MATK: variants seen among roughly 807,000 people sequenced by gnomAD.
MATK encodes megakaryocyte-associated tyrosine-protein kinase.
MATK carries 41 observed loss-of-function variants against 59.8 expected under a neutral mutation model. That is an observed-to-expected ratio of 0.69 (90% CI 0.53 to 0.89). The LOEUF is 0.89. Ranked by LOEUF, MATK falls within the 40% of genes least tolerant of loss-of-function variation. The probability of loss-of-function intolerance (pLI) is 0.00; values close to 1 mark genes in which losing one functional copy is unlikely to be tolerated. For missense variants in MATK, 593 were observed against 719.6 expected (o/e 0.82, Z 2.01); for synonymous variants, 308 against 306.1 (o/e 1.01, Z -0.06).
chr19:3,781,643 T>A lies in MATK; in HGVS notation c.706A>T (p.Thr236Ser), dbSNP rs761538078. 7.2e-5 allele frequency: 116 copies of A among 1,613,738 alleles called. No individual in the cohort carries two copies. Among genetic ancestry groups the A allele is most frequent in the Non-Finnish European group, 9.6e-5 (113 of 1,179,970 alleles). ...AGWLLNLQHL[T>S]LGAQIGEGEF... ...CCCTCTCCGATCTGTGCTCCCAATG[T>A]CAAATGCTGCAGGTTCAGTAACCAG... The change falls in exon 8 of 14, where the codon ACA becomes TCA. Residue 236 changes from threonine to serine, a missense_variant. Transcript: ENST00000310132.
At chr19:3,789,892 C>CTTTTGT (rs1408450009), upstream of MATK, among the ~76,000 whole-genome samples, 1 of 148,550 alleles carries the variant, frequency 6.7e-6, no homozygotes, top group African/African-American at 2.5e-5. Flanking sequence ...GCCCTGCTAA[C>CTTTTGT]TTTTGTATTT....
intron 1 of MATK, among the ~76,000 whole-genome samples, chr19:3,797,969 G>T (rs1312330360): frequency 2.0e-5 from 3 of 152,090 alleles, no homozygotes; most frequent in Non-Finnish European, 4.4e-5. Context: ...TTGAACCTGG[G>T]AGGTGAAGTT....
chr19:3,778,273 C>A lies in MATK; in HGVS notation c.1434G>T (p.Leu478=). ...RPPFRKLAEK[L]ARELRSAGAP... ...CACCTGCACTGCGTAGCTCCCGGGC[C>A]AGCTTCTCGGCCAGTTTGCGGAAGG... The change falls in exon 14 of 14, where the codon CTG becomes CTT. Residue 478 remains leucine, a synonymous_variant. Coordinates refer to ENST00000310132, the MANE Select transcript of MATK (RefSeq NM_139355.3). 1 of 1,574,434 alleles carries A rather than the reference C, an allele frequency of 6.4e-7. No homozygotes were observed. The highest frequency in any genetic ancestry group is 2.1e-5 in the Admixed American group (1 of 48,664).
chr19:3,778,846 CG>C (rs2037356351), intron 12 of MATK, 145 bp downstream of exon 12: 4 of 916,754 alleles, frequency 4.4e-6, no homozygotes, highest in Non-Finnish European at 6.4e-6. Flanking sequence ...AGGGGGGCTA[CG>C]AGGAACAATT....
chr19:3,778,355 C>A lies in MATK; in HGVS notation c.1352G>T (p.Gly451Val). 1 of 1,598,074 alleles carries A rather than the reference C, an allele frequency of 6.3e-7. No homozygotes were observed. The highest frequency in any genetic ancestry group is 8.5e-7 in the Non-Finnish European group (1 of 1,173,560). ...YRMEPPEGCP[G>V]PVHVLMSSCW... ...GCTGCTCATGAGGACGTGCACGGGGCCTGGACAGCCCTCGGGGGGTTCCAT... is the reference window on the plus strand; with the variant it reads ...GCTGCTCATGAGGACGTGCACGGGGACTGGACAGCCCTCGGGGGGTTCCAT... The change falls in exon 14 of 14, where the codon GGC becomes GTC. Residue 451 changes from glycine (G) to valine (V), a missense_variant. By Grantham distance (109) the Gly-to-Val change is moderately radical. Transcript: ENST00000310132.
intron 1 of MATK, among the ~76,000 whole-genome samples, chr19:3,801,169 T>G (rs1438705728): frequency 6.6e-5 from 10 of 152,202 alleles, no homozygotes; most frequent in Non-Finnish European, 1.5e-5. Context: ...TTGCAAAATT[T>G]GGGAGTGACC....
intron 7 of MATK, 78 bp downstream of exon 7, chr19:3,783,048 C>T (rs1015448158): frequency 3.0e-5 from 42 of 1,385,144 alleles, no homozygotes; most frequent in African/African-American, 7.1e-5. Flanking sequence ...CTCAGAGGTG[C>T]GGGGCCCCAG....
In MATK at chr19:3,784,186, C is replaced by G; in HGVS notation, c.300G>C (p.Leu100=). The G allele has an allele frequency of 6.2e-7, 1 of 1,613,620 alleles. No individual in the cohort carries two copies. Among genetic ancestry groups the G allele is most frequent in the Non-Finnish European group, 8.5e-7 (1 of 1,179,800 alleles). The change falls in exon 5 of 14, where the codon CTG becomes CTC. Residue 100 remains leucine (L), a synonymous_variant. Transcript: ENST00000310132. ...CCCGCTCCCGCAGCGCCCCAGCTGC[C>G]AGCAGCCCCTCCTGTCCACTGGTGT... is the stretch of plus-strand genomic sequence containing the variant. ...KHHTSGQEGL[L]AAGALREREA... is the part of the protein sequence containing the mutation.
intron 1 of MATK, among the ~76,000 whole-genome samples, chr19:3,794,796 C>T (rs1324675629): frequency 2.6e-5 from 4 of 152,118 alleles, no homozygotes; most frequent in African/African-American, 9.7e-5. Flanking sequence ...CATGCTCTAA[C>T]TCAGGGCCCA....
chr19:3,786,527 A>AGC (rs1568408777), upstream of MATK: 2 of 344,636 alleles, frequency 5.8e-6, no homozygotes, highest in Non-Finnish European at 8.0e-6. This position sits in a 1 kb window ranked among gnomAD's most constrained non-coding sequence, Gnocchi z 4.1. Context: ...TCGGGCGTGC[A>AGC]CCCCCCACCC....
upstream of MATK, chr19:3,789,405 C>T (rs4806952): frequency 8.7e-6 from 6 of 687,654 alleles, no homozygotes; most frequent in Admixed American, 1.3e-4. Context: ...CTTCCTCTCT[C>T]TGCAAATCAA....
chr19:3,789,571 G>GC (rs2037520896), upstream of MATK, among the ~76,000 whole-genome samples: 2 of 152,248 alleles, frequency 1.3e-5, no homozygotes, highest in South Asian at 4.1e-4. Flanking sequence ...GCTGGCTGGG[G>GC]CAGGGAGCTC....
At chr19:3,787,380 C>CT (rs549661210), upstream of MATK, 194 of 136,752 alleles carry the variant, frequency 1.4e-3, no homozygotes, top group Middle Eastern at 8.0e-3. Flanking sequence ...GCCACTTTGC[C>CT]TTTTTTTTTT....
intron 7 of MATK, 121 bp from the exon 8 acceptor site, chr19:3,781,793 G>A (rs72990578): frequency 0.055 from 43,218 of 784,646 alleles, 1,548 homozygotes; most frequent in Non-Finnish European, 0.069. Flanking sequence ...ATACACATTT[G>A]AGTGGCTGCT....
Position 3,784,459 on chromosome 19 carries a change from G to A in MATK, c.133-8C>T, listed in dbSNP as rs1413117191. 1.3e-6 allele frequency: 2 copies of A among 1,582,450 alleles called. No homozygotes were observed. The highest frequency in any genetic ancestry group is 1.7e-6 in the Non-Finnish European group (2 of 1,167,450). On this transcript the variant is annotated splice_region_variant and splice_polypyrimidine_tract_variant and intron_variant, in intron 3 of 13. Transcript: ENST00000310132. ...GCCCGGGGCCCAGCGCCTCTGCAGA[G>A]GGGGCCGGGAGAGGGGCAAAGGGAG...
upstream of MATK, chr19:3,789,412 TC>T (rs1430679024): frequency 2.7e-5 from 18 of 674,440 alleles, no homozygotes; most frequent in Non-Finnish European, 4.8e-5. Flanking sequence ...TCTCTGCAAA[TC>T]AATGATATTA....
chr19:3,789,410 A>C (rs2037519324), upstream of MATK: 2 of 677,516 alleles, frequency 3.0e-6, no homozygotes, highest in African/African-American at 1.8e-5. Flanking sequence ...TCTCTCTGCA[A>C]ATCAATGATA....
chr19:3,800,621 G>T (rs1006712120), intron 1 of MATK, among the ~76,000 whole-genome samples: 4 of 152,078 alleles, frequency 2.6e-5, no homozygotes, highest in African/African-American at 9.7e-5. Context: ...ACTCCAGCCT[G>T]GGCAACGGGA....
chr19:3,784,941 T>C, intron 2 of MATK, 57 bp from the exon 3 acceptor site: 3 of 1,423,056 alleles, frequency 2.1e-6, no homozygotes, highest in Non-Finnish European at 2.9e-6. Context: ...GTCCAGTTCC[T>C]ACCACTTCCA....
Sources: allele counts gnomAD v4.1 joint callset (sites outside exome capture counted in the v4.1 genomes callset), GRCh38; gene constraint gnomAD v4.1.1; non-coding constraint Gnocchi (gnomAD v3.1); transcripts MANE v1.5; gene names NCBI Gene and HGNC (gene_info 2026-07-23, HGNC 2026-07-21).